Variants in RP1L1 observed in about 807,000 individuals in gnomAD.
RP1L1 encodes the protein retinitis pigmentosa 1-like 1 protein.
A neutral mutation model predicts 15.7 loss-of-function variants in RP1L1; 27 were observed. The observed-to-expected ratio is 1.72, with a 90% CI of 1.27 to 2.38. The LOEUF (loss-of-function observed/expected upper bound fraction) is 2.38. Ranked by LOEUF, RP1L1 falls within the 30% of genes most tolerant of loss-of-function variation. The probability of loss-of-function intolerance (pLI) is 0.00; values close to 1 mark genes in which losing one functional copy is unlikely to be tolerated. For synonymous variants in RP1L1, 1,813 were observed against 1,276.7 expected (o/e 1.42, Z -8.96); for missense variants, 4,798 against 3,075.9 (o/e 1.56, Z -13.24).
intron 3 of RP1L1, among the ~76,000 whole-genome samples, chr8:10,616,061 T>C (rs1233209524): frequency 6.6e-6 from 1 of 152,162 alleles, no homozygotes; most frequent in Non-Finnish European, 1.5e-5. Flanking sequence ...TGTGCCATTA[T>C]GCCTGGCATA....
intron 1 of RP1L1, among the ~76,000 whole-genome samples, chr8:10,632,978 G>T (rs1474169474): frequency 1.3e-5 from 2 of 152,190 alleles, no homozygotes; most frequent in Non-Finnish European, 2.9e-5. Context: ...CTCACTGCTG[G>T]GGGCAGAGGA....
Position 10,610,047 on chromosome 8 carries a change from C to G in RP1L1, c.4051G>C (p.Glu1351Gln), listed in dbSNP as rs1585963274. Reference sequence around the variant, plus strand: ...ATTTCCTCTAACTGCGCCTCTTCTTCTTGCTGTCCTTCTCCTTCTGTTTCT... The same window carrying G: ...ATTTCCTCTAACTGCGCCTCTTCTTGTTGCTGTCCTTCTCCTTCTGTTTCT... ...TKETEGEGQQEEEAQLEEIEE... is the reference protein window; with the variant it reads ...TKETEGEGQQQEEAQLEEIEE... The change falls in exon 4 of 4, where the codon GAA (glutamate) becomes CAA (glutamine). Residue 1351 changes from glutamate to glutamine, a missense_variant. Physicochemically the swap from Glu to Gln is conservative, Grantham distance 29 (BLOSUM62 2). Transcript: ENST00000382483. 1.4e-6 allele frequency: 2 copies of G among 1,427,524 alleles called. No homozygotes were observed. Among genetic ancestry groups the G allele is most frequent in the Admixed American group, 2.2e-5 (1 of 45,808 alleles). The allele number at this position is 1,427,524 out of a possible 1,614,324, so 88.4% of individuals were successfully genotyped here.
chr8:10,616,604 C>A lies in RP1L1; in HGVS notation c.610-17G>T, dbSNP rs376919128. On this transcript the variant is annotated splice_polypyrimidine_tract_variant and intron_variant, in intron 2 of 3. Coordinates refer to ENST00000382483, the MANE Select transcript of RP1L1 (RefSeq NM_178857.6). The stretch of plus-strand genomic sequence containing the variant: ...CGAGTCCACCTGAGGGAGGAGCGGG[C>A]GGGGTCAGGAGGCCTGGGCTGCAGA... 1 of 1,605,308 alleles carries A rather than the reference C, an allele frequency of 6.2e-7. No individual in the cohort carries two copies. The highest frequency in any genetic ancestry group is 1.3e-5 in the African/African-American group (1 of 74,992).
At chr8:10,614,174 C>T (rs756914705) in intron 3 of RP1L1, among the ~76,000 whole-genome samples, 1 of 152,114 alleles carries the variant, frequency 6.6e-6, no homozygotes. Context: ...TGCATATGAC[C>T]CTGACTGTAA....
chr8:10,634,770 G>T (rs1296184595), intron 1 of RP1L1, among the ~76,000 whole-genome samples: 1 of 152,140 alleles, frequency 6.6e-6, no homozygotes, highest in Non-Finnish European at 1.5e-5. Flanking sequence ...CAGCCCCGGG[G>T]ACCCCTGTCC....
chr8:10,623,313 AC>A, intron 1 of RP1L1, 93 bp from the exon 2 acceptor site: 1 of 925,964 alleles, frequency 1.1e-6, no homozygotes, highest in Non-Finnish European at 1.6e-6. Context: ...CTTCCTGCCC[AC>A]CCCAAATGTG....
chr8:10,613,076 C>A lies in RP1L1; in HGVS notation c.1022G>T (p.Arg341Leu). ...LVGEDTLLWSRRMGRASALTA... is the reference protein window; with the variant it reads ...LVGEDTLLWSLRMGRASALTA... ...GAGGGCGCTGGCCCTGCCCATCCTC[C>A]GGGACCATAGGAGCGTGTCCTCGCC... Residue 341 changes from arginine (R) to leucine (L), a missense_variant, in exon 4 of 4, where the codon CGG becomes CTG. Coordinates refer to ENST00000382483, the MANE Select transcript of RP1L1 (RefSeq NM_178857.6). 6.2e-7 allele frequency: 1 copy of A among 1,613,772 alleles called. No individual in the cohort carries two copies. The highest frequency in any genetic ancestry group is 8.5e-7 in the Non-Finnish European group (1 of 1,180,044).
chr8:10,626,159 G>C (rs192116622), intron 1 of RP1L1, among the ~76,000 whole-genome samples: 2 of 152,088 alleles, frequency 1.3e-5, no homozygotes, highest in African/African-American at 2.4e-5. Flanking sequence ...CCTGGGAGCA[G>C]AAGTGGGCTA....
intron 1 of RP1L1, among the ~76,000 whole-genome samples, chr8:10,630,609 C>T (rs1202086256): frequency 6.6e-6 from 1 of 152,232 alleles, no homozygotes; most frequent in African/African-American, 2.4e-5. Flanking sequence ...GAGCTTTGCA[C>T]CTCCCGGCAG....
chr8:10,626,255 T>A (rs578000105), intron 1 of RP1L1, among the ~76,000 whole-genome samples: 94 of 151,880 alleles, frequency 6.2e-4, no homozygotes, highest in African/African-American at 2.1e-3. Context: ...TGGGGGAGGC[T>A]GGGCTTTGCA....
intron 1 of RP1L1, among the ~76,000 whole-genome samples, chr8:10,647,512 C>G (rs1798497065): frequency 6.6e-6 from 1 of 152,164 alleles, no homozygotes; most frequent in Non-Finnish European, 1.5e-5. Context: ...CTCCCCAGCC[C>G]CTGACAGCCA....
Position 10,608,648 on chromosome 8 carries a change from T to G in RP1L1, c.5450A>C (p.Glu1817Ala). 8 of 1,614,176 alleles carry G rather than the reference T, an allele frequency of 5.0e-6. No individual in the cohort carries two copies. The highest frequency in any genetic ancestry group is 6.8e-6 in the Non-Finnish European group (8 of 1,180,030). The change falls in exon 4 of 4, where the codon GAA becomes GCA. Residue 1817 changes from glutamate (E) to alanine (A), a missense_variant. Glu to Ala is a moderately radical substitution (Grantham distance 107). Transcript: ENST00000382483. ...GSGHEDNLQGEAAAGGDQDPG... is the reference protein window; with the variant it reads ...GSGHEDNLQGAAAAGGDQDPG... ...ATCTTGGTCACCTCCTGCCGCAGCTTCACCCTGCAAGTTGTCCTCATGCCC... is the reference window on the plus strand; with the variant it reads ...ATCTTGGTCACCTCCTGCCGCAGCTGCACCCTGCAAGTTGTCCTCATGCCC...
Position 10,622,701 on chromosome 8 carries a change from T to C in RP1L1, c.501A>G (p.Thr167=), listed in dbSNP as rs79329877. 8.6e-3 allele frequency: 13,853 copies of C among 1,614,146 alleles called. 808 individuals carry two copies. In the Admixed American group the frequency reaches 0.12, roughly 14 times the overall value. ...IKNMDPRLQQ[T]VVLSHRNTRN... ...TAGTATTCCTGTGACTGAGAACCAC[T>C]GTCTGCTGGAGGCGAGGGTCCATGT... The change falls in exon 2 of 4, where the codon ACA becomes ACG. Residue 167 remains threonine (T), a synonymous_variant. Coordinates refer to ENST00000382483, the MANE Select transcript of RP1L1 (RefSeq NM_178857.6).
intron 1 of RP1L1, among the ~76,000 whole-genome samples, chr8:10,651,912 G>A (rs1207651552): frequency 1.3e-5 from 2 of 152,106 alleles, no homozygotes; most frequent in Admixed American, 6.5e-5. Flanking sequence ...TCATGGCGCT[G>A]CATATACAGG....
chr8:10,628,989 G>A lies in RP1L1; in HGVS notation c.-19-5769C>T, dbSNP rs79157231. 2.8e-3 allele frequency among the ~76,000 whole-genome samples: 422 copies of A among 152,370 alleles called. 7 individuals are homozygous for A. The East Asian group carries it at 0.034, about 12-fold the overall frequency. Reference sequence around the variant, plus strand: ...CAGCCTCGTCAGAGCTCCCTTGAAGGCAGGAAGTGGGTCTGGTGCACCTCT... The same window carrying A: ...CAGCCTCGTCAGAGCTCCCTTGAAGACAGGAAGTGGGTCTGGTGCACCTCT... On this transcript the variant is annotated intron_variant, in intron 1 of 3. Coordinates refer to ENST00000382483, the MANE Select transcript of RP1L1 (RefSeq NM_178857.6).
At chr8:10,651,387 G>A (rs555293618) in intron 1 of RP1L1, among the ~76,000 whole-genome samples, 1 of 152,322 alleles carries the variant, frequency 6.6e-6, no homozygotes, top group South Asian at 2.1e-4. Flanking sequence ...AGGACCAAGT[G>A]CTCTTTCTAG....
chr8:10,640,193 G>A lies in RP1L1; in HGVS notation c.-20+14705C>T, dbSNP rs1006971775. 1.1e-4 allele frequency among the ~76,000 whole-genome samples: 17 copies of A among 152,314 alleles called. 1 individual carries two copies. The highest frequency in any genetic ancestry group is 3.1e-4 in the African/African-American group (13 of 41,570). The stretch of plus-strand genomic sequence containing the variant: ...AAATCTGCATGATCCAAATGGCTTC[G>A]TTTGTTCCTTTGTCTTAGCAATGAT... On this transcript the variant is annotated intron_variant, in intron 1 of 3. Transcript: ENST00000382483.
Position 10,611,123 on chromosome 8 carries a change from A to C in RP1L1, c.2975T>G (p.Val992Gly), listed in dbSNP as rs1585965896. 1 of 1,612,712 alleles carries C rather than the reference A, an allele frequency of 6.2e-7. No homozygotes were observed. The highest frequency in any genetic ancestry group is 8.5e-7 in the Non-Finnish European group (1 of 1,179,956). Residue 992 changes from valine to glycine, a missense_variant, in exon 4 of 4, where the codon GTG (valine) becomes GGG (glycine). By Grantham distance (109) the Val-to-Gly change is moderately radical. Transcript: ENST00000382483. Reference sequence around the variant, plus strand: ...CAGAGAATGGTCATCCCCAGGGTCCACCTCGGGGCCTCTCAGGCCACCCCC... The same window carrying C: ...CAGAGAATGGTCATCCCCAGGGTCCCCCTCGGGGCCTCTCAGGCCACCCCC... The part of the protein sequence containing the change: ...AAGGGLRGPE[V>G]DPGDDHSLEG...
chr8:10,650,127 C>G (rs1288172700), intron 1 of RP1L1, among the ~76,000 whole-genome samples: 1 of 152,156 alleles, frequency 6.6e-6, no homozygotes, highest in Non-Finnish European at 1.5e-5. Flanking sequence ...TGGGGATTGT[C>G]ACGTGTGTAT....
Sources: allele counts gnomAD v4.1 joint callset (sites outside exome capture counted in the v4.1 genomes callset), GRCh38; gene constraint gnomAD v4.1.1; transcripts MANE v1.5; gene names NCBI Gene and HGNC (gene_info 2026-07-23, HGNC 2026-07-21).